MGAT4C: variants seen among roughly 807,000 people sequenced by gnomAD.
MGAT4C encodes MGAT4 family member C.
MGAT4C carries 19 observed loss-of-function variants against 40.1 expected under a neutral mutation model. That is an observed-to-expected ratio of 0.47 (90% CI 0.33 to 0.70). MGAT4C has a LOEUF of 0.70. Among genes scored for constraint, MGAT4C ranks in the 30% least tolerant of loss-of-function variants. The pLI is 0.02. For missense variants in MGAT4C, 491 were observed against 563.2 expected, an observed-to-expected ratio of 0.87 and a Z score of 1.30; for synonymous variants, 181 against 187.1, an observed-to-expected ratio of 0.97 and a Z score of 0.27.
chr12:86,684,142 G>A (rs1385844893), intron 2 of MGAT4C, among the ~76,000 whole-genome samples: 2 of 152,048 alleles, frequency 1.3e-5, no homozygotes, highest in Non-Finnish European at 2.9e-5. Context: ...TTGGGAGGCC[G>A]AGGCGGGCAG....
At chr12:86,225,479 A>G (rs1951040033) in intron 1 of MGAT4C, among the ~76,000 whole-genome samples, 1 of 152,088 alleles carries the variant, frequency 6.6e-6, no homozygotes, top group Non-Finnish European at 1.5e-5. Context: ...ACCATTAGAC[A>G]AGGACATAAC....
intron 1 of MGAT4C, among the ~76,000 whole-genome samples, chr12:86,174,957 CA>C (rs1289653397): frequency 6.6e-6 from 1 of 151,638 alleles, no homozygotes; most frequent in Non-Finnish European, 1.5e-5. Context: ...CATTTGTCAC[CA>C]AAAATGATTT....
intron 2 of MGAT4C, among the ~76,000 whole-genome samples, chr12:86,672,257 C>T (rs1019314992): frequency 2.0e-5 from 3 of 151,852 alleles, no homozygotes; most frequent in African/African-American, 7.3e-5. Flanking sequence ...AACACACATA[C>T]CAAAATCAAT....
At chr12:86,248,054 T>C (rs1211806602) in intron 1 of MGAT4C, among the ~76,000 whole-genome samples, 1 of 152,172 alleles carries the variant, frequency 6.6e-6, no homozygotes, top group Non-Finnish European at 1.5e-5. Flanking sequence ...CCTTTGTTTG[T>C]TCTTCCTCCT....
intron 2 of MGAT4C, among the ~76,000 whole-genome samples, chr12:86,696,073 G>C (rs371002701): frequency 6.6e-6 from 1 of 151,900 alleles, no homozygotes; most frequent in Non-Finnish European, 1.5e-5. Context: ...TTAGCTGGGC[G>C]TGGTGGTGCG....
chr12:86,635,329 AT>A (rs535605579), intron 2 of MGAT4C, among the ~76,000 whole-genome samples: 61 of 152,234 alleles, frequency 4.0e-4, no homozygotes, highest in Non-Finnish European at 7.4e-4. Flanking sequence ...ACCTGTGACC[AT>A]TCTCAAACAA....
intron 1 of MGAT4C, among the ~76,000 whole-genome samples, chr12:86,081,089 A>C (rs1310659706): frequency 6.6e-6 from 1 of 152,172 alleles, no homozygotes; most frequent in Non-Finnish European, 1.5e-5. Flanking sequence ...TAACCAGAGG[A>C]AGTATGCATT....
intron 2 of MGAT4C, among the ~76,000 whole-genome samples, chr12:86,592,810 TTAAA>T (rs1344609376): frequency 6.6e-6 from 1 of 152,124 alleles, no homozygotes; most frequent in Non-Finnish European, 1.5e-5. Context: ...TTACCTGATA[TTAAA>T]TATTTTCACC....
chr12:86,268,865 T>C (rs1046178070), intron 4 of MGAT4C, among the ~76,000 whole-genome samples: 1 of 146,034 alleles, frequency 6.8e-6, no homozygotes, highest in African/African-American at 2.5e-5. Flanking sequence ...ATTATGCATA[T>C]ACATTTAAAA....
intron 1 of MGAT4C, among the ~76,000 whole-genome samples, chr12:86,807,807 A>C (rs1007609141): frequency 4.6e-5 from 7 of 152,056 alleles, no homozygotes; most frequent in Non-Finnish European, 1.0e-4. Context: ...TTGACTTTTT[A>C]ATAATTGCCA....
At chr12:86,307,528 A>G (rs1831409413) in intron 4 of MGAT4C, among the ~76,000 whole-genome samples, 1 of 150,302 alleles carries the variant, frequency 6.7e-6, no homozygotes, top group African/African-American at 2.5e-5. Context: ...TGGGGTGGAG[A>G]AATGCTGTCT....
At chr12:86,322,490 T>C (rs1019674685) in intron 4 of MGAT4C, among the ~76,000 whole-genome samples, 2 of 152,170 alleles carry the variant, frequency 1.3e-5, no homozygotes, top group African/African-American at 4.8e-5. Context: ...TAAGTTTCTT[T>C]CTTTTGTTTC....
rs60328579 is a variant in MGAT4C, at chr12:86,269,013, CATATATATATATATATATATATATATAT to C, written c.-57+65024_-57+65051del. ...TTTTGTATATATTCTTTCATACTTA[CATATATATATATATATATATATATATAT>C]ATATATATATATATATATATTCTTT... On this transcript the variant is annotated intron_variant, in intron 4 of 7. Coordinates refer to the MGAT4C transcript ENST00000548651. Among the ~76,000 whole-genome samples, 122 of 74,702 alleles carry C rather than the reference CATATATATATATATATATATATATATAT, an allele frequency of 1.6e-3. 1 individual carries two copies. The highest frequency in any genetic ancestry group is 0.011 in the East Asian group (25 of 2,250). 49.0% of individuals were successfully genotyped at this position (74,702 alleles called of 152,430 possible).
intron 1 of MGAT4C, among the ~76,000 whole-genome samples, chr12:86,774,313 TTC>T (rs1491163972): frequency 1.1e-4 from 4 of 35,940 alleles, no homozygotes; most frequent in Admixed American, 4.3e-4. Flanking sequence ...CTTTCTTTCT[TTC>T]TTTCTTTCTT....
intron 2 of MGAT4C, among the ~76,000 whole-genome samples, chr12:86,557,583 C>A (rs989095909): frequency 6.6e-6 from 1 of 152,196 alleles, no homozygotes; most frequent in South Asian, 2.1e-4. Flanking sequence ...CTAAAAACCA[C>A]AGCCTAAGTC....
At chr12:86,445,161 CT>C (rs1220333089) in intron 2 of MGAT4C, among the ~76,000 whole-genome samples, 5 of 152,084 alleles carry the variant, frequency 3.3e-5, no homozygotes, top group Admixed American at 2.0e-4. Flanking sequence ...AAATCTCACA[CT>C]TTAAATATGT....
At chr12:86,503,989 T>C (rs1958424871) in intron 2 of MGAT4C, among the ~76,000 whole-genome samples, 1 of 151,212 alleles carries the variant, frequency 6.6e-6, no homozygotes, top group Non-Finnish European at 1.5e-5. Flanking sequence ...ATTGATGATA[T>C]AAAAGAAGTG....
intron 1 of MGAT4C, among the ~76,000 whole-genome samples, chr12:86,136,907 C>T (rs1005034110): frequency 6.6e-6 from 1 of 152,026 alleles, no homozygotes; most frequent in Admixed American, 6.6e-5. Context: ...AGGCTGGTCT[C>T]GAACTCCTAA....
chr12:86,190,559 T>C (rs971062940), intron 1 of MGAT4C, among the ~76,000 whole-genome samples: 9 of 152,126 alleles, frequency 5.9e-5, no homozygotes, highest in African/African-American at 2.2e-4. Context: ...GCTTTCCTCA[T>C]GGCAAATATA....
Sources: allele counts gnomAD v4.1 joint callset (sites outside exome capture counted in the v4.1 genomes callset), GRCh38; gene constraint gnomAD v4.1.1; transcripts MANE v1.5; gene names NCBI Gene and HGNC (gene_info 2026-07-23, HGNC 2026-07-21).